Variants in PTPRC observed in about 807,000 individuals in gnomAD.
The protein encoded by PTPRC is protein tyrosine phosphatase receptor type C.
Under a neutral mutation model 155.9 loss-of-function variants are expected in PTPRC, and 44 were observed. That is an observed-to-expected ratio of 0.28 (90% CI 0.22 to 0.36). The LOEUF (loss-of-function observed/expected upper bound fraction) is 0.36. Ranked by LOEUF, PTPRC falls within the 10% of genes least tolerant of loss-of-function variation. The probability of loss-of-function intolerance (pLI) is 1.00; values close to 1 mark genes in which losing one functional copy is unlikely to be tolerated. For synonymous variants in PTPRC, 525 were observed against 533.1 expected, an observed-to-expected ratio of 0.98 and a Z score of 0.21; for missense variants, 1,401 against 1,564.6, an observed-to-expected ratio of 0.90 and a Z score of 1.76.
intron 2 of PTPRC, among the ~76,000 whole-genome samples, chr1:198,687,262 A>G (rs1571833299): frequency 6.6e-6 from 1 of 152,194 alleles, no homozygotes; most frequent in South Asian, 2.1e-4. Context: ...CTGGGATTAC[A>G]GGTGTGAACC....
intron 2 of PTPRC, among the ~76,000 whole-genome samples, chr1:198,682,853 G>T (rs1041627673): frequency 2.0e-5 from 3 of 152,172 alleles, no homozygotes; most frequent in Admixed American, 2.0e-4. Context: ...CCCTTTTGTA[G>T]TCATTGTCCA....
chr1:198,677,580 G>C (rs551027461), intron 2 of PTPRC, among the ~76,000 whole-genome samples: 3 of 151,918 alleles, frequency 2.0e-5, no homozygotes, highest in African/African-American at 7.2e-5. Flanking sequence ...CCTAAGAATA[G>C]GGTAAGCATT....
chr1:198,754,120 A>T (rs966733046), intron 31 of PTPRC, 149 bp from the exon 32 acceptor site: 2 of 947,222 alleles, frequency 2.1e-6, no homozygotes, highest in Non-Finnish European at 3.1e-6. Flanking sequence ...CATTTAGCGT[A>T]AATAATTTGG....
intron 2 of PTPRC, among the ~76,000 whole-genome samples, chr1:198,682,313 G>C (rs1665379176): frequency 6.6e-6 from 1 of 152,162 alleles, no homozygotes; most frequent in Non-Finnish European, 1.5e-5. Flanking sequence ...TCAGCTTTAG[G>C]AGTGGGAGGC....
rs927582275 is a variant in PTPRC at position 198,665,875 on chromosome 1, C to G, written c.74-26472C>G. On this transcript the variant is annotated intron_variant, in intron 2 of 32. Coordinates refer to ENST00000442510, the MANE Select transcript of PTPRC (RefSeq NM_002838.5). Reference sequence around the variant, plus strand: ...ACAGAATATGATTCTCTTTCCAGCCCTGGAAAGACATCCCAAGTGTACGTA... The same window carrying G: ...ACAGAATATGATTCTCTTTCCAGCCGTGGAAAGACATCCCAAGTGTACGTA... Among the ~76,000 whole-genome samples, 4 of 152,188 alleles carry G rather than the reference C, an allele frequency of 2.6e-5. No homozygotes were observed. The East Asian group carries it at 7.7e-4, about 29-fold the overall frequency.
intron 15 of PTPRC, 152 bp downstream of exon 15, chr1:198,722,628 CCATA>C (rs1653947620): frequency 3.0e-6 from 1 of 338,764 alleles, no homozygotes; most frequent in Non-Finnish European, 4.9e-6. Flanking sequence ...GTCAGTAAAA[CCATA>C]CATATATATG....
chr1:198,676,277 T>C (rs1022146197), intron 2 of PTPRC, among the ~76,000 whole-genome samples: 1 of 152,242 alleles, frequency 6.6e-6, no homozygotes, highest in African/African-American at 2.4e-5. Context: ...CATTAGGTGT[T>C]CTTTTGACAT....
At chr1:198,686,895 C>T (rs1665653524) in intron 2 of PTPRC, among the ~76,000 whole-genome samples, 1 of 152,180 alleles carries the variant, frequency 6.6e-6, no homozygotes, top group Non-Finnish European at 1.5e-5. Flanking sequence ...TACATCAGTT[C>T]ATTTGTTTTG....
At chr1:198,699,447 TCA>T in intron 4 of PTPRC, 115 bp from the exon 5 acceptor site, 1 of 1,224,538 alleles carries the variant, frequency 8.2e-7, no homozygotes, top group South Asian at 1.2e-5. Context: ...TTTAACAGAT[TCA>T]GTTACTTCAC....
At chr1:198,733,219 C>T (rs763622874) in intron 20 of PTPRC, among the ~76,000 whole-genome samples, 30 of 151,580 alleles carry the variant, frequency 2.0e-4, no homozygotes, top group Non-Finnish European at 4.0e-4. Context: ...CTTTTTGTCT[C>T]CCCAAATCTG....
intron 2 of PTPRC, among the ~76,000 whole-genome samples, chr1:198,645,937 C>T (rs936111716): frequency 2.6e-5 from 4 of 151,752 alleles, no homozygotes; most frequent in African/African-American, 9.7e-5. Flanking sequence ...CCCACCATTA[C>T]CAGGATAATC....
chr1:198,686,886 A>G (rs140636179), intron 2 of PTPRC, among the ~76,000 whole-genome samples: 114 of 152,334 alleles, frequency 7.5e-4, no homozygotes, highest in Middle Eastern at 3.4e-3. Context: ...TTAGGTAACT[A>G]CATCAGTTCA....
chr1:198,726,700 T>C (rs982006142), intron 15 of PTPRC, among the ~76,000 whole-genome samples: 1 of 152,108 alleles, frequency 6.6e-6, no homozygotes, highest in Admixed American at 6.6e-5. Context: ...TTTCCTTCTT[T>C]CCAGTTGTAG....
At chr1:198,678,739 C>T (rs1000926688) in intron 2 of PTPRC, among the ~76,000 whole-genome samples, 2 of 150,862 alleles carry the variant, frequency 1.3e-5, no homozygotes, top group Non-Finnish European at 3.0e-5. Context: ...GGTGACAAAT[C>T]CTTTTTCTTT....
At position 198,708,280 on chromosome 1, in the gene PTPRC, C is replaced by T; in HGVS notation, c.1033+19C>T. On this transcript the variant is annotated intron_variant, in intron 10 of 32. Transcript: ENST00000442510. ...CAGTGTGGTAAGAATATAACATTGACCAGAGAATTTTTTTTTGTGGCACAA... is the reference window on the plus strand; with the variant it reads ...CAGTGTGGTAAGAATATAACATTGATCAGAGAATTTTTTTTTGTGGCACAA... The T allele has an allele frequency of 1.9e-6, 3 of 1,596,524 alleles. No homozygotes were observed. The highest frequency in any genetic ancestry group is 2.6e-6 in the Non-Finnish European group (3 of 1,167,794).
In PTPRC at chr1:198,750,545, C is replaced by G. The variant is rs375079291; in HGVS notation, c.3126C>G (p.Thr1042=). The G allele has an allele frequency of 4.4e-5, 71 of 1,612,274 alleles. No homozygotes were observed. The East Asian group carries it at 1.0e-3, about 23-fold the overall frequency. The stretch of plus-strand genomic sequence containing the variant: ...CTGCTCAGGGACCACTGAAGGAGAC[C>G]ATTGGTGACTTTTGGCAGATGATCT... ...MIAAQGPLKE[T]IGDFWQMIFQ... The change falls in exon 29 of 33, where the codon ACC becomes ACG. Residue 1042 remains threonine, a synonymous_variant. Transcript: ENST00000442510.
chr1:198,757,091 A>C lies in PTPRC; in HGVS notation c.*910A>C, dbSNP rs941338289. ...AATATTTACATATGAAATTTAATATAGCTATTTTTATGGAATTTTTCATTG... is the reference window on the plus strand; with the variant it reads ...AATATTTACATATGAAATTTAATATCGCTATTTTTATGGAATTTTTCATTG... On this transcript the variant is annotated 3_prime_UTR_variant, in exon 33 of 33. Coordinates refer to ENST00000442510, the MANE Select transcript of PTPRC (RefSeq NM_002838.5). The C allele has an allele frequency of 3.3e-5, 5 of 152,018 alleles. No individual in the cohort carries two copies. The highest frequency in any genetic ancestry group is 3.3e-4 in the Admixed American group (5 of 15,248). The allele number at this position is 152,018 out of a possible 1,614,324, so 9.4% of individuals were successfully genotyped here.
intron 25 of PTPRC, among the ~76,000 whole-genome samples, chr1:198,743,821 A>C (rs1350831635): frequency 6.6e-6 from 1 of 151,856 alleles, no homozygotes; most frequent in Non-Finnish European, 1.5e-5. Context: ...TGGATAATCT[A>C]TTTGCAAAGT....
intron 26 of PTPRC, among the ~76,000 whole-genome samples, chr1:198,746,780 T>C (rs1381400002): frequency 6.6e-6 from 1 of 151,852 alleles, no homozygotes; most frequent in Non-Finnish European, 1.5e-5. Flanking sequence ...CTACAGGGCA[T>C]AGGCTGCCTC....
Sources: gnomAD v4.1 joint callset for allele counts (sites outside exome capture counted in the v4.1 genomes callset) on GRCh38, gnomAD v4.1.1 for gene constraint, MANE v1.5 for transcripts, NCBI Gene and HGNC (gene_info 2026-07-23, HGNC 2026-07-21) for gene names.